The following UBASH3A variants were observed in gnomAD, a reference collection of about 807,000 sequenced individuals.
UBASH3A encodes the protein ubiquitin associated and SH3 domain containing A.
A neutral mutation model predicts 73.5 loss-of-function variants in UBASH3A; 63 were observed. The observed-to-expected ratio is 0.86, with a 90% confidence interval of 0.70 to 1.06. The LOEUF (loss-of-function observed/expected upper bound fraction) is 1.06, where lower values mean the gene tolerates loss of function less well. Ranked by LOEUF, UBASH3A falls within the 50% of genes least tolerant of loss-of-function variation. UBASH3A has a pLI of 0.00. For missense variants in UBASH3A, 860 were observed against 859.0 expected, an observed-to-expected ratio of 1.00 and a Z score of -0.02; for synonymous variants, 363 against 351.1, an observed-to-expected ratio of 1.03 and a Z score of -0.38.
At position 42,427,481 on chromosome 21, in the gene UBASH3A, G is replaced by A. The variant is rs550911635; in HGVS notation, c.1170+661G>A. Among the ~76,000 whole-genome samples, 6 of 152,282 alleles carry A rather than the reference G, an allele frequency of 3.9e-5. No homozygotes were observed. The South Asian group carries it at 6.2e-4, about 16-fold the overall frequency. ...GTCCTTGTTCTTCCCAAATTCGTCCGCCTGTGCCCTGCCATGTGCCGCACA... is the reference window on the plus strand; with the variant it reads ...GTCCTTGTTCTTCCCAAATTCGTCCACCTGTGCCCTGCCATGTGCCGCACA... On this transcript the variant is annotated intron_variant, in intron 8 of 14. Transcript: ENST00000319294.
Position 42,407,357 on chromosome 21 carries a change from C to T in UBASH3A, c.167+996C>T, listed in dbSNP as rs188738446. ...AGTGTTCCCAATGGGATGCCCCCTC[C>T]TCCTCCAGAAAGTGTAGGCCACGGG... On this transcript the variant is annotated intron_variant, in intron 2 of 14. Transcript: ENST00000319294. Among the ~76,000 whole-genome samples the T allele has an allele frequency of 2.3e-3, 346 of 152,280 alleles. 3 individuals carry two copies. The highest frequency in any genetic ancestry group is 6.1e-3 in the Admixed American group (93 of 15,308).
intron 11 of UBASH3A, among the ~76,000 whole-genome samples, chr21:42,438,162 C>A (rs1332791482): frequency 6.6e-6 from 1 of 152,200 alleles, no homozygotes; most frequent in African/African-American, 2.4e-5. Context: ...GGGATAAGAT[C>A]TCGGTCCCCA....
At chr21:42,446,907 ATGT>A (rs2053853007) in intron 14 of UBASH3A, 147 bp from the exon 15 acceptor site, 2 of 809,944 alleles carry the variant, frequency 2.5e-6, no homozygotes, top group African/African-American at 1.7e-5. Flanking sequence ...GCCAGGGCAG[ATGT>A]TGGTGCCATT....
intron 9 of UBASH3A, among the ~76,000 whole-genome samples, chr21:42,434,338 C>G (rs2053589077): frequency 1.3e-5 from 1 of 77,226 alleles, no homozygotes; most frequent in South Asian, 3.5e-4. Context: ...GGGAGACAGT[C>G]CCAGTGAGCC....
At chr21:42,431,287 C>A (rs891800369) in intron 8 of UBASH3A, among the ~76,000 whole-genome samples, 1 of 152,236 alleles carries the variant, frequency 6.6e-6, no homozygotes, top group African/African-American at 2.4e-5. Flanking sequence ...AAAGGGTAGC[C>A]AGCCTCGCTG....
chr21:42,446,515 G>A (rs1216489843), intron 14 of UBASH3A, among the ~76,000 whole-genome samples: 2 of 152,138 alleles, frequency 1.3e-5, no homozygotes, highest in African/African-American at 2.4e-5. Context: ...AAAGAGGAAG[G>A]AAAGAAAGAA....
At chr21:42,405,218 A>G (rs2052943439) in intron 1 of UBASH3A, among the ~76,000 whole-genome samples, 1 of 151,948 alleles carries the variant, frequency 6.6e-6, no homozygotes, top group Non-Finnish European at 1.5e-5. Flanking sequence ...TTGAATGGGG[A>G]GTGGGGTCAG....
intron 10 of UBASH3A, among the ~76,000 whole-genome samples, chr21:42,436,151 A>G (rs1053246102): frequency 6.6e-6 from 1 of 151,902 alleles, no homozygotes; most frequent in Non-Finnish European, 1.5e-5. Flanking sequence ...TTATAGAGTT[A>G]TAGAGCTATA....
rs746797076 is a variant in UBASH3A, at chr21:42,432,193, A to C, written c.1261A>C (p.Thr421Pro). Residue 421 changes from threonine (T) to proline (P), a missense_variant, in exon 9 of 15, where the codon ACT becomes CCT. Physicochemically the swap from Thr to Pro is conservative, Grantham distance 38. Coordinates refer to ENST00000319294, the MANE Select transcript of UBASH3A (RefSeq NM_018961.4). ...GAAGGCATGGCTGCAGCAATGCTCCACTCCTGATGGTAGGTCACACTCAGG... is the reference window on the plus strand; with the variant it reads ...GAAGGCATGGCTGCAGCAATGCTCCCCTCCTGATGGTAGGTCACACTCAGG... The part of the protein sequence containing the change: ...FGKAWLQQCS[T>P]PDGKYYRPDL... The C allele has an allele frequency of 6.2e-7, 1 of 1,611,058 alleles. No individual in the cohort carries two copies. The highest frequency in any genetic ancestry group is 1.7e-5 in the Admixed American group (1 of 59,930).
Position 42,447,527 on chromosome 21 carries a change from C to T in UBASH3A, c.*333C>T, listed in dbSNP as rs1488857628. On this transcript the variant is annotated 3_prime_UTR_variant, in exon 15 of 15. Coordinates refer to ENST00000319294, the MANE Select transcript of UBASH3A (RefSeq NM_018961.4). ...CCAGGAATTAAAGACTCACCACACACGAAGGATCTAACCACTTCATTTTCC... is the reference window on the plus strand; with the variant it reads ...CCAGGAATTAAAGACTCACCACACATGAAGGATCTAACCACTTCATTTTCC... 2.7e-5 allele frequency: 6 copies of T among 224,072 alleles called. No individual in the cohort carries two copies. Among genetic ancestry groups the T allele is most frequent in the East Asian group, 2.1e-4 (2 of 9,560 alleles). The allele number at this position is 224,072 out of a possible 1,614,324, so 13.9% of individuals were successfully genotyped here. A position where few individuals can be genotyped will look rare whatever the true frequency, so the allele number is the denominator to read the frequency against.
rs772257773 is a variant in UBASH3A at position 42,409,537 on chromosome 21, A to G, written c.283A>G (p.Ser95Gly). Residue 95 changes from serine (S) to glycine (G), a missense_variant, in exon 3 of 15, where the codon AGC becomes GGC. Transcript: ENST00000319294. ...LEKLQEFWRE[S>G]KRQCAKNRAH... ...AAAACTTCAAGAGTTCTGGAGAGAG[A>G]GCAAGCGCCAGTGTGCAAAGAACAG... 1 of 1,614,110 alleles carries G rather than the reference A, an allele frequency of 6.2e-7. No individual in the cohort carries two copies. Among genetic ancestry groups the G allele is most frequent in the South Asian group, 1.1e-5 (1 of 91,074 alleles).
chr21:42,408,910 A>G, intron 2 of UBASH3A, among the ~76,000 whole-genome samples: 1 of 132,912 alleles, frequency 7.5e-6, no homozygotes, highest in African/African-American at 2.5e-5. Flanking sequence ...AAATAAAATA[A>G]AATAAAATAA....
intron 6 of UBASH3A, among the ~76,000 whole-genome samples, chr21:42,417,859 CTTTTTTTTTTCTTTTTTTCT>C (rs2053246611): frequency 8.0e-6 from 1 of 125,642 alleles, no homozygotes; most frequent in Non-Finnish European, 1.7e-5. Context: ...AAATGTATCT[CTTTTTTTTTTCTTTTTTTCT>C]TTTTTTTTTT....
At position 42,413,929 on chromosome 21, in the gene UBASH3A, G is replaced by T. The variant is rs894265882; in HGVS notation, c.667+406G>T. The stretch of plus-strand genomic sequence containing the variant: ...CCATTGGGGTTTAGTGGAAAGGATT[G>T]TGGACTTGACGTCAGAAGATGTGAT... On this transcript the variant is annotated intron_variant, in intron 5 of 14. Transcript: ENST00000319294. The surrounding 1 kb of genome is among the most constrained non-coding windows in gnomAD (Gnocchi z 4.5). 1.1e-4 allele frequency among the ~76,000 whole-genome samples: 17 copies of T among 152,230 alleles called. No individual in the cohort carries two copies. The highest frequency in any genetic ancestry group is 3.9e-4 in the African/African-American group (16 of 41,458).
At chr21:42,407,943 AC>A (rs2053011736) in intron 2 of UBASH3A, among the ~76,000 whole-genome samples, 3 of 152,280 alleles carry the variant, frequency 2.0e-5, no homozygotes, top group South Asian at 4.1e-4. Flanking sequence ...GACAAACTTC[AC>A]TAGACACGTG....
intron 10 of UBASH3A, 92 bp from the exon 11 acceptor site, chr21:42,437,396 G>A: frequency 8.3e-7 from 1 of 1,199,592 alleles, no homozygotes; most frequent in Non-Finnish European, 1.2e-6. Flanking sequence ...GCCCTTTGAG[G>A]ACCCTGCCTA....
intron 6 of UBASH3A, among the ~76,000 whole-genome samples, chr21:42,417,327 G>A (rs1313863271): frequency 3.3e-5 from 5 of 149,926 alleles, no homozygotes; most frequent in African/African-American, 1.2e-4. Flanking sequence ...GGGAGGCTGA[G>A]GCAGAAGAAT....
At chr21:42,442,412 A>T in intron 11 of UBASH3A, 40 bp from the exon 12 acceptor site, 2 of 1,604,592 alleles carry the variant, frequency 1.2e-6, no homozygotes, top group Non-Finnish European at 8.5e-7. Context: ...GTCAGGGTGG[A>T]TGTTGAGGAT....
chr21:42,432,189 C>A lies in UBASH3A; in HGVS notation c.1257C>A (p.Cys419Ter). Reference sequence around the variant, plus strand: ...TCGGGAAGGCATGGCTGCAGCAATGCTCCACTCCTGATGGTAGGTCACACT... The same window carrying A: ...TCGGGAAGGCATGGCTGCAGCAATGATCCACTCCTGATGGTAGGTCACACT... ...QIFGKAWLQQCSTPDGKYYRP... is the reference protein window; with the variant it reads ...QIFGKAWLQQ Residue 419 changes from cysteine to a stop codon, truncating the protein, a stop_gained, in exon 9 of 15, where the codon TGC becomes TGA. Transcript: ENST00000319294. LOFTEE classifies it high-confidence loss of function. The A allele has an allele frequency of 1.9e-6, 3 of 1,612,212 alleles. No individual in the cohort carries two copies. The highest frequency in any genetic ancestry group is 2.5e-6 in the Non-Finnish European group (3 of 1,178,660).
Sources: gnomAD v4.1 joint callset for allele counts (sites outside exome capture counted in the v4.1 genomes callset) on GRCh38, gnomAD v4.1.1 for gene constraint, Gnocchi (gnomAD v3.1) non-coding constraint, MANE v1.5 for transcripts, NCBI Gene and HGNC (gene_info 2026-07-23, HGNC 2026-07-21) for gene names.